The following ARMC9 variants were observed in gnomAD, a reference collection of about 807,000 sequenced individuals.
ARMC9 encodes lisH domain-containing protein ARMC9.
In ARMC9, 94 loss-of-function variants were observed where a neutral mutation model predicts 107.0. That is an observed-to-expected ratio of 0.88 (90% confidence interval 0.74 to 1.04). ARMC9 has a LOEUF of 1.04. ARMC9 is among the 50% of genes least tolerant of loss of function. The pLI is 0.00. For missense variants in ARMC9, 942 were observed against 1,030.1 expected (o/e 0.91, Z 1.17); for synonymous variants, 380 against 396.9 (o/e 0.96, Z 0.51).
chr2:231,218,318 G>A (rs1328925542), intron 5 of ARMC9, among the ~76,000 whole-genome samples: 2 of 151,784 alleles, frequency 1.3e-5, no homozygotes, highest in East Asian at 1.9e-4. Context: ...AATCTGGAAG[G>A]GTTCAGATGT....
chr2:231,293,325 G>A (rs2041147442), intron 18 of ARMC9, among the ~76,000 whole-genome samples: 2 of 152,324 alleles, frequency 1.3e-5, no homozygotes, highest in South Asian at 4.2e-4. Flanking sequence ...AGGCCACGGT[G>A]TGGGGGCGGA....
Position 231,291,409 on chromosome 2 carries a change from CCAGA to C in ARMC9, c.1684_1687del (p.Gln562Ter). 6.2e-7 allele frequency: 1 copy of C among 1,613,794 alleles called. No individual in the cohort carries two copies. Among genetic ancestry groups the C allele is most frequent in the South Asian group, 1.1e-5 (1 of 91,078 alleles). Reference sequence around the variant, plus strand: ...AAGAAGGCAATGCTGAAATGATCCGCCAGATAGAATTCATCATCAAGCAGCTAAA... The same window carrying C: ...AAGAAGGCAATGCTGAAATGATCCGCTAGAATTCATCATCAAGCAGCTAAA... On this transcript the variant is annotated frameshift_variant, in exon 18 of 25. Transcript: ENST00000611582. LOFTEE classifies it high-confidence loss of function.
At chr2:231,354,445 A>C (rs921839776) in intron 21 of ARMC9, among the ~76,000 whole-genome samples, 1 of 146,840 alleles carries the variant, frequency 6.8e-6, no homozygotes, top group African/African-American at 2.6e-5. Flanking sequence ...GCAATGGCGC[A>C]ATCTTGGCTC....
intron 23 of ARMC9, among the ~76,000 whole-genome samples, chr2:231,367,978 C>CA (rs1180498778): frequency 0.014 from 1,384 of 95,676 alleles, 23 homozygotes; most frequent in African/African-American, 0.048. Context: ...AACTCCATTT[C>CA]AAAAAAAAAA....
chr2:231,232,893 C>G (rs921286682), intron 7 of ARMC9, among the ~76,000 whole-genome samples: 1 of 152,086 alleles, frequency 6.6e-6, no homozygotes, highest in Non-Finnish European at 1.5e-5. Context: ...CTCTGTCACC[C>G]AGGCTGGAGT....
intron 20 of ARMC9, among the ~76,000 whole-genome samples, chr2:231,335,923 T>C (rs1050764358): frequency 8.6e-5 from 13 of 151,924 alleles, no homozygotes; most frequent in Admixed American, 2.0e-4. Context: ...TAAAATTTTT[T>C]TAAAAATTAG....
At chr2:231,337,288 A>G (rs1270237398) in intron 20 of ARMC9, among the ~76,000 whole-genome samples, 7 of 52,298 alleles carry the variant, frequency 1.3e-4, no homozygotes, top group Non-Finnish European at 1.8e-4. Context: ...ATATATATAT[A>G]TATTTTTTTT....
chr2:231,371,759 GCCTGGCATTGCCCT>G lies in ARMC9; in HGVS notation c.*230_*243del. On this transcript the variant is annotated 3_prime_UTR_variant, in exon 25 of 25. Transcript: ENST00000611582. ...GAGCCACCAAGGAGGGCTGGGGAGA[GCCTGGCATTGCCCT>G]CCTGGAGAGGGGAATTTCCTGCTCA... 2.5e-6 allele frequency: 1 copy of G among 404,234 alleles called. No individual in the cohort carries two copies. The highest frequency in any genetic ancestry group is 4.3e-6 in the Non-Finnish European group (1 of 233,196). The allele number at this position is 404,234 out of a possible 1,614,324, so 25.0% of individuals were successfully genotyped here.
intron 21 of ARMC9, chr2:231,345,317 G>C: frequency 1.4e-6 from 1 of 713,734 alleles, no homozygotes; most frequent in Non-Finnish European, 2.0e-6. Context: ...GATCTCCAGG[G>C]CCACTTCAGA....
intron 4 of ARMC9, among the ~76,000 whole-genome samples, chr2:231,215,788 G>A (rs932002112): frequency 4.6e-5 from 7 of 152,218 alleles, no homozygotes; most frequent in African/African-American, 1.7e-4. Flanking sequence ...GGTGGAGGGA[G>A]CAGCAGGACC....
chr2:231,352,511 A>G (rs888965105), intron 21 of ARMC9, among the ~76,000 whole-genome samples: 3 of 150,842 alleles, frequency 2.0e-5, no homozygotes, highest in African/African-American at 7.3e-5. Context: ...TTTAGTAGAG[A>G]CGGGTTTTCA....
intron 3 of ARMC9, among the ~76,000 whole-genome samples, chr2:231,212,168 C>T (rs985429370): frequency 6.6e-6 from 1 of 152,152 alleles, no homozygotes; most frequent in African/African-American, 2.4e-5. Flanking sequence ...ATATAAGAAG[C>T]GTGTGTGTCT....
intron 19 of ARMC9, among the ~76,000 whole-genome samples, chr2:231,296,969 G>A (rs1421213359): frequency 1.3e-5 from 2 of 152,176 alleles, no homozygotes; most frequent in Non-Finnish European, 2.9e-5. Flanking sequence ...GTGAATGCTG[G>A]AACATTTTCA....
intron 16 of ARMC9, among the ~76,000 whole-genome samples, chr2:231,280,325 G>T (rs1405356418): frequency 1.3e-5 from 2 of 152,164 alleles, no homozygotes; most frequent in Non-Finnish European, 2.9e-5. Flanking sequence ...AGGCATGGTG[G>T]CTTGTGCCTG....
At chr2:231,306,797 A>G (rs2042059151) in intron 19 of ARMC9, among the ~76,000 whole-genome samples, 1 of 152,236 alleles carries the variant, frequency 6.6e-6, no homozygotes, top group Non-Finnish European at 1.5e-5. Context: ...ATAAGAAACA[A>G]CATGGGACTT....
rs148607124 is a variant in ARMC9 at position 231,331,837 on chromosome 2, G to T, written c.1818G>T (p.Leu606=). The change falls in exon 20 of 25, where the codon CTG becomes CTT. Residue 606 remains leucine, a synonymous_variant. Coordinates refer to ENST00000611582, the MANE Select transcript of ARMC9 (RefSeq NM_001352754.2). ...IMEADLDKDE[L]IQPQLGELSG... ...AAGCCGATCTGGACAAAGACGAACT[G>T]ATCCAGCCCCAGCTCGGAGAACTCT... 4.2e-4 allele frequency: 677 copies of T among 1,613,952 alleles called. 2 individuals carry two copies. Among genetic ancestry groups the T allele is most frequent in the Non-Finnish European group, 4.3e-4 (504 of 1,179,974 alleles).
chr2:231,289,076 T>G (rs2040810454), intron 17 of ARMC9, among the ~76,000 whole-genome samples: 1 of 152,246 alleles, frequency 6.6e-6, no homozygotes, highest in African/African-American at 2.4e-5. Context: ...TTATCTGAAA[T>G]GACAAGTTAT....
chr2:231,229,343 T>A (rs940500166), intron 7 of ARMC9, among the ~76,000 whole-genome samples: 1 of 152,234 alleles, frequency 6.6e-6, no homozygotes, highest in African/African-American at 2.4e-5. Flanking sequence ...TTGCATGATA[T>A]CATTGTTCTG....
chr2:231,317,087 A>G (rs1300492515), intron 19 of ARMC9, among the ~76,000 whole-genome samples: 1 of 151,842 alleles, frequency 6.6e-6, no homozygotes, highest in African/African-American at 2.4e-5. Flanking sequence ...TTACTTTTGA[A>G]TATTTTTTTT....
Sources: gnomAD v4.1 joint callset for allele counts (sites outside exome capture counted in the v4.1 genomes callset) on GRCh38, gnomAD v4.1.1 for gene constraint, MANE v1.5 for transcripts, NCBI Gene and HGNC (gene_info 2026-07-23, HGNC 2026-07-21) for gene names.